The following PAAF1 variants were observed in gnomAD, a reference collection of about 807,000 sequenced individuals.
PAAF1 encodes the protein proteasomal ATPase associated factor 1.
A neutral mutation model predicts 52.8 loss-of-function variants in PAAF1; 46 were observed. That is an observed-to-expected ratio of 0.87 (90% CI 0.69 to 1.11). The LOEUF (loss-of-function observed/expected upper bound fraction) is 1.11. PAAF1 is among the 50% of genes most tolerant of loss of function. The pLI, the probability that PAAF1 is intolerant of heterozygous loss-of-function variation, is 0.00. For missense variants in PAAF1, 424 were observed against 477.4 expected (o/e 0.89, Z 1.04); for synonymous variants, 178 against 172.8 (o/e 1.03, Z -0.24).
intron 4 of PAAF1, among the ~76,000 whole-genome samples, chr11:73,896,938 AG>A (rs1267972973): frequency 2.2e-5 from 3 of 136,746 alleles, no homozygotes; most frequent in Admixed American, 2.2e-4. Context: ...CTGACCCCCC[AG>A]ACCTCCCTCC....
intron 6 of PAAF1, among the ~76,000 whole-genome samples, chr11:73,907,329 A>G (rs1030665467): frequency 1.3e-5 from 2 of 152,034 alleles, no homozygotes; most frequent in African/African-American, 2.4e-5. Context: ...TCAGCCACCT[A>G]CTGGACTCCC....
At chr11:73,921,790 T>G in intron 10 of PAAF1, 2 of 1,202,450 alleles carry the variant, frequency 1.7e-6, no homozygotes, top group Admixed American at 3.5e-5. Context: ...CCTTAGATGT[T>G]GTAAATAGGC....
chr11:73,891,338 T>A (rs1949198113), intron 4 of PAAF1, 137 bp downstream of exon 4: 1 of 570,746 alleles, frequency 1.8e-6, no homozygotes, highest in Non-Finnish European at 3.1e-6. Context: ...ATACAGCTGA[T>A]GAAGTCTGAT....
At chr11:73,897,189 C>G in intron 4 of PAAF1, among the ~76,000 whole-genome samples, 1 of 135,944 alleles carries the variant, frequency 7.4e-6, no homozygotes, top group African/African-American at 2.9e-5. Flanking sequence ...GGGGGCTGAC[C>G]CCCCCACCTC....
chr11:73,901,546 C>G (rs1441866437), intron 6 of PAAF1, among the ~76,000 whole-genome samples: 1 of 151,896 alleles, frequency 6.6e-6, no homozygotes, highest in African/African-American at 2.4e-5. Flanking sequence ...GGATTTTTAA[C>G]TCTGTGTTTT....
chr11:73,912,536 C>T (rs773031210), intron 7 of PAAF1, among the ~76,000 whole-genome samples: 58 of 152,276 alleles, frequency 3.8e-4, no homozygotes, highest in Non-Finnish European at 8.1e-4. Context: ...TCTCTCCCTT[C>T]CTCCTGTCAA....
At chr11:73,884,630 A>C (rs1318450540) in intron 2 of PAAF1, among the ~76,000 whole-genome samples, 1 of 152,204 alleles carries the variant, frequency 6.6e-6, no homozygotes, top group East Asian at 1.9e-4. Context: ...GGAGTGGGAT[A>C]AAAAGTGAAG....
chr11:73,897,457 C>T (rs1194372667), intron 4 of PAAF1, among the ~76,000 whole-genome samples: 2 of 151,272 alleles, frequency 1.3e-5, no homozygotes, highest in African/African-American at 2.4e-5. Context: ...AGGGTCTCCT[C>T]ACTTCTCAGA....
At position 73,919,023 on chromosome 11, in the gene PAAF1, G is replaced by C; in HGVS notation, c.1009G>C (p.Ala337Pro). Residue 337 changes from alanine to proline, a missense_variant, in exon 10 of 12, where the codon GCT becomes CCT. Physicochemically the swap from Ala to Pro is conservative, Grantham distance 27. Coordinates refer to ENST00000310571, the MANE Select transcript of PAAF1 (RefSeq NM_025155.3). Reference protein sequence around the residue: ...SLLSVRDGFIASQGDGSCFIV... With the variant: ...SLLSVRDGFIPSQGDGSCFIV... ...GCTAAGTGTCAGAGATGGATTCATT[G>C]CTAGCCAAGGTGGGTCCATGGGCCA... 1 of 1,613,634 alleles carries C rather than the reference G, an allele frequency of 6.2e-7. No homozygotes were observed. Among genetic ancestry groups the C allele is most frequent in the Admixed American group, 1.7e-5 (1 of 59,884 alleles).
intron 10 of PAAF1, among the ~76,000 whole-genome samples, chr11:73,923,388 C>T (rs1014308543): frequency 4.6e-5 from 7 of 152,144 alleles, no homozygotes; most frequent in Middle Eastern, 3.4e-3. Context: ...CACATGCTGT[C>T]AACCATGTAA....
At chr11:73,894,456 A>C (rs1949289516) in intron 4 of PAAF1, among the ~76,000 whole-genome samples, 1 of 152,300 alleles carries the variant, frequency 6.6e-6, no homozygotes, top group Middle Eastern at 3.4e-3. Flanking sequence ...CCTGGCCAAC[A>C]TAATGAAACC....
intron 4 of PAAF1, among the ~76,000 whole-genome samples, chr11:73,897,005 G>A (rs1291505934): frequency 1.3e-4 from 19 of 142,652 alleles, no homozygotes; most frequent in African/African-American, 3.7e-4. Flanking sequence ...CCTCCTGGAC[G>A]GGGCGGCTGG....
intron 4 of PAAF1, among the ~76,000 whole-genome samples, chr11:73,895,095 C>G (rs1949308701): frequency 6.6e-6 from 1 of 152,174 alleles, no homozygotes; most frequent in Non-Finnish European, 1.5e-5. Flanking sequence ...AGCCAGTCTT[C>G]TGGATACTGA....
At chr11:73,883,865 A>G (rs1466220871) in intron 2 of PAAF1, among the ~76,000 whole-genome samples, 1 of 152,130 alleles carries the variant, frequency 6.6e-6, no homozygotes, top group Non-Finnish European at 1.5e-5. Context: ...TGGCCCGGTA[A>G]TACTCTGTTG....
chr11:73,896,931 A>T (rs559341373), intron 4 of PAAF1, among the ~76,000 whole-genome samples: 1 of 118,512 alleles, frequency 8.4e-6, no homozygotes, highest in Non-Finnish European at 1.7e-5. Flanking sequence ...GGGGGGGCTG[A>T]CCCCCCAGAC....
At chr11:73,901,870 C>CTTTTTTTT (rs35218096) in intron 6 of PAAF1, among the ~76,000 whole-genome samples, 2 of 128,226 alleles carry the variant, frequency 1.6e-5, no homozygotes, top group African/African-American at 5.9e-5. Context: ...TGCGCCTTGC[C>CTTTTTTTT]TTTTTTTTTT....
intron 4 of PAAF1, among the ~76,000 whole-genome samples, chr11:73,896,933 C>A (rs1466780967): frequency 6.7e-6 from 1 of 149,760 alleles, no homozygotes; most frequent in Non-Finnish European, 1.5e-5. Context: ...GGGGGCTGAC[C>A]CCCCAGACCT....
chr11:73,911,522 G>T (rs1213032142), intron 7 of PAAF1, among the ~76,000 whole-genome samples: 1 of 151,198 alleles, frequency 6.6e-6, no homozygotes, highest in African/African-American at 2.4e-5. Context: ...CTTGTTTTCT[G>T]TAATTTTTCA....
chr11:73,909,317 T>G, intron 6 of PAAF1, 82 bp from the exon 7 acceptor site: 2 of 1,238,812 alleles, frequency 1.6e-6, no homozygotes, highest in Non-Finnish European at 2.3e-6. Flanking sequence ...AGGGATGGAG[T>G]CATTTATGCA....
Sources: gnomAD v4.1 joint callset for allele counts (sites outside exome capture counted in the v4.1 genomes callset) on GRCh38, gnomAD v4.1.1 for gene constraint, MANE v1.5 for transcripts, NCBI Gene and HGNC (gene_info 2026-07-23, HGNC 2026-07-21) for gene names.